The following DLGAP1 variants were observed in gnomAD, a reference collection of about 807,000 sequenced individuals.
The protein encoded by DLGAP1 is disks large-associated protein 1.
In DLGAP1, 11 loss-of-function variants were observed where a neutral mutation model predicts 90.8. The observed-to-expected ratio is 0.12, with a 90% CI of 0.08 to 0.20. The LOEUF is 0.20. Among genes scored for constraint, DLGAP1 ranks in the 10% least tolerant of loss-of-function variants. The probability of loss-of-function intolerance (pLI) is 1.00; values close to 1 mark genes in which losing one functional copy is unlikely to be tolerated. For synonymous variants in DLGAP1, 558 were observed against 540.7 expected (o/e 1.03, Z -0.44); for missense variants, 1,050 against 1,333.8 (o/e 0.79, Z 3.31).
chr18:4,359,813 T>C (rs1181264448), intron 1 of DLGAP1, among the ~76,000 whole-genome samples: 1 of 152,110 alleles, frequency 6.6e-6, no homozygotes, highest in African/African-American at 2.4e-5. Context: ...TTCTAGACAC[T>C]GGAGATAAAG....
At chr18:3,719,548 C>A (rs2061897411) in intron 7 of DLGAP1, among the ~76,000 whole-genome samples, 1 of 122,122 alleles carries the variant, frequency 8.2e-6, no homozygotes, top group Non-Finnish European at 1.6e-5. Context: ...CAGAGCAAGA[C>A]TCTGTCTCAA....
At chr18:4,359,190 G>A (rs571385231) in intron 1 of DLGAP1, among the ~76,000 whole-genome samples, 5 of 152,128 alleles carry the variant, frequency 3.3e-5, no homozygotes, top group Admixed American at 6.5e-5. Context: ...ACATGCTACC[G>A]TAAAATATGG....
At chr18:3,654,822 AG>A (rs905635490) in intron 7 of DLGAP1, 2 of 152,198 alleles carry the variant, frequency 1.3e-5, no homozygotes, top group African/African-American at 4.8e-5. Flanking sequence ...CGAGGTGAGA[AG>A]GTCTTTTTCT....
intron 5 of DLGAP1, among the ~76,000 whole-genome samples, chr18:3,756,346 G>A (rs1212664131): frequency 6.6e-6 from 1 of 151,954 alleles, no homozygotes; most frequent in Non-Finnish European, 1.5e-5. Context: ...ACCACGCCTG[G>A]CCTACACCAC....
At chr18:4,154,612 T>C (rs1378000812) in intron 1 of DLGAP1, among the ~76,000 whole-genome samples, 2 of 152,140 alleles carry the variant, frequency 1.3e-5, no homozygotes, top group East Asian at 3.9e-4. Flanking sequence ...ATCAAATACA[T>C]GTTTTGAAGT....
chr18:3,852,747 A>T (rs2069414750), intron 4 of DLGAP1, among the ~76,000 whole-genome samples: 1 of 152,124 alleles, frequency 6.6e-6, no homozygotes, highest in East Asian at 1.9e-4. Context: ...ATATATTGAG[A>T]CAATCCTATG....
At chr18:3,842,645 G>T (rs763974415) in intron 4 of DLGAP1, among the ~76,000 whole-genome samples, 2 of 151,658 alleles carry the variant, frequency 1.3e-5, no homozygotes, top group Non-Finnish European at 2.9e-5. Flanking sequence ...CCTTAGAGGA[G>T]AGACACGAGG....
intron 1 of DLGAP1, among the ~76,000 whole-genome samples, chr18:4,344,734 T>G (rs2143899761): frequency 6.6e-6 from 1 of 152,220 alleles, no homozygotes; most frequent in East Asian, 1.9e-4. Flanking sequence ...GGTGGCAGAG[T>G]CAGGATTCAG....
At chr18:4,329,916 C>T (rs937661897) in intron 1 of DLGAP1, among the ~76,000 whole-genome samples, 15 of 151,868 alleles carry the variant, frequency 9.9e-5, no homozygotes, top group Admixed American at 5.2e-4. Context: ...ATTACCTCTT[C>T]TATTTTCTGG....
intron 5 of DLGAP1, among the ~76,000 whole-genome samples, chr18:3,788,535 T>C (rs193281364): frequency 8.8e-4 from 134 of 152,310 alleles, no homozygotes; most frequent in African/African-American, 2.5e-3. Context: ...CACCTTTTTT[T>C]CTGAGGATTA....
At chr18:4,351,837 AT>A (rs1339946379) in intron 1 of DLGAP1, among the ~76,000 whole-genome samples, 1 of 152,238 alleles carries the variant, frequency 6.6e-6, no homozygotes, top group African/African-American at 2.4e-5. Flanking sequence ...AAGATTTAAA[AT>A]TAATAACCTT....
chr18:3,966,537 T>TA (rs148498463), intron 3 of DLGAP1, among the ~76,000 whole-genome samples: 5,936 of 151,860 alleles, frequency 0.039, 357 homozygotes, highest in African/African-American at 0.13. Context: ...GATGAGATAC[T>TA]AAAAAAAATC....
At chr18:3,984,630 C>T (rs2073805086) in intron 3 of DLGAP1, among the ~76,000 whole-genome samples, 1 of 152,172 alleles carries the variant, frequency 6.6e-6, no homozygotes, top group African/African-American at 2.4e-5. Flanking sequence ...CAGTCATCCC[C>T]TTTCCTTGCC....
chr18:4,223,753 C>T (rs1210992618), intron 1 of DLGAP1, among the ~76,000 whole-genome samples: 1 of 152,080 alleles, frequency 6.6e-6, no homozygotes, highest in Non-Finnish European at 1.5e-5. Context: ...GTCAGACTCA[C>T]TTTTTTCAGA....
intron 2 of DLGAP1, among the ~76,000 whole-genome samples, chr18:4,050,751 C>T (rs1224548818): frequency 6.6e-6 from 1 of 152,202 alleles, no homozygotes; most frequent in Non-Finnish European, 1.5e-5. Flanking sequence ...CTGTTTATTA[C>T]TTTAATCTAT....
chr18:3,791,445 T>C (rs2065728427), intron 5 of DLGAP1, among the ~76,000 whole-genome samples: 2 of 152,142 alleles, frequency 1.3e-5, no homozygotes, highest in Non-Finnish European at 2.9e-5. Flanking sequence ...TTGGCTTGAG[T>C]CCAGAGCTGT....
chr18:3,923,084 A>C (rs1599164364), intron 3 of DLGAP1, among the ~76,000 whole-genome samples: 1 of 146,750 alleles, frequency 6.8e-6, no homozygotes, highest in East Asian at 2.1e-4. Flanking sequence ...CAGTGAGCCA[A>C]GACTGTACCA....
intron 2 of DLGAP1, among the ~76,000 whole-genome samples, chr18:4,049,766 A>G (rs2075105653): frequency 6.6e-6 from 1 of 151,846 alleles, no homozygotes; most frequent in African/African-American, 2.4e-5. Flanking sequence ...TTTTTACTTT[A>G]CCCTTGACTA....
intron 1 of DLGAP1, among the ~76,000 whole-genome samples, chr18:4,316,977 T>C (rs609837): frequency 0.88 from 134,528 of 152,164 alleles, 61,318 homozygotes; most frequent in Non-Finnish European, 0.99. Flanking sequence ...TCTGCTTCTG[T>C]CCTCCTTCCC....
Sources: allele counts gnomAD v4.1 joint callset (sites outside exome capture counted in the v4.1 genomes callset), GRCh38; gene constraint gnomAD v4.1.1; transcripts MANE v1.5; gene names NCBI Gene and HGNC (gene_info 2026-07-23, HGNC 2026-07-21).